The following ANO10 variants were observed in gnomAD, a reference collection of about 807,000 sequenced individuals.
The protein encoded by ANO10 is anoctamin-10.
A neutral mutation model predicts 74.7 loss-of-function variants in ANO10; 77 were observed. The ratio of observed to expected loss-of-function variants is 1.03; its 90% CI spans 0.86 to 1.25. The LOEUF is 1.25. Among genes scored for constraint, ANO10 ranks in the 50% most tolerant of loss-of-function variants. ANO10 has a pLI of 0.00. For synonymous variants in ANO10, 279 were observed against 284.9 expected, an observed-to-expected ratio of 0.98 and a Z score of 0.21; for missense variants, 721 against 778.1, an observed-to-expected ratio of 0.93 and a Z score of 0.87.
intron 12 of ANO10, among the ~76,000 whole-genome samples, chr3:43,391,651 C>T (rs530233019): frequency 5.3e-5 from 8 of 152,162 alleles, no homozygotes; most frequent in Non-Finnish European, 1.0e-4. Flanking sequence ...GGTGCACCTT[C>T]GCTCATTTGC....
chr3:43,567,087 T>C (rs545197930), intron 7 of ANO10, among the ~76,000 whole-genome samples: 2 of 151,852 alleles, frequency 1.3e-5, no homozygotes, highest in South Asian at 4.2e-4. Flanking sequence ...GTATCGGCAA[T>C]GGAAGATGAA....
intron 1 of ANO10, among the ~76,000 whole-genome samples, chr3:43,607,924 C>T (rs2082638884): frequency 6.6e-6 from 1 of 151,968 alleles, no homozygotes; most frequent in South Asian, 2.1e-4. Flanking sequence ...AATGATAACA[C>T]AGGCACAAAG....
intron 11 of ANO10, among the ~76,000 whole-genome samples, chr3:43,486,220 A>C (rs1273489362): frequency 6.6e-6 from 1 of 152,248 alleles, no homozygotes; most frequent in African/African-American, 2.4e-5. Context: ...GGCTTCATGT[A>C]CATAACAAGG....
chr3:43,610,017 T>C (rs574115617), intron 1 of ANO10, among the ~76,000 whole-genome samples: 1 of 152,310 alleles, frequency 6.6e-6, no homozygotes, highest in South Asian at 2.1e-4. Context: ...TTTTCTTCAC[T>C]TTATAAACTT....
chr3:43,505,511 CATCAAAGCCCTTTATGTG>C lies in ANO10; in HGVS notation c.1797+44191_1797+44208del, dbSNP rs1451543527. Among the ~76,000 whole-genome samples, 5 of 152,276 alleles carry C rather than the reference CATCAAAGCCCTTTATGTG, an allele frequency of 3.3e-5. No homozygotes were observed. In the East Asian group the frequency reaches 5.8e-4, roughly 18 times the overall value. On this transcript the variant is annotated intron_variant, in intron 11 of 12. Coordinates refer to ENST00000292246, the MANE Select transcript of ANO10 (RefSeq NM_018075.5). ...ACCAGTGAAACCCACAATTATACCC[CATCAAAGCCCTTTATGTG>C]AGGCATGCTTCAAAACCTCAGTTGG...
At chr3:43,689,287 G>C (rs2084319588) in intron 1 of ANO10, 1 of 152,208 alleles carries the variant, frequency 6.6e-6, no homozygotes, top group South Asian at 2.1e-4. Flanking sequence ...CTTAGTCTGG[G>C]AGGGTAACAG....
intron 12 of ANO10, among the ~76,000 whole-genome samples, chr3:43,428,623 C>T (rs2092933074): frequency 1.3e-5 from 2 of 151,832 alleles, no homozygotes; most frequent in Admixed American, 1.3e-4. Context: ...TCAGAATCAC[C>T]TTTTCTTACA....
chr3:43,554,197 T>G (rs978242995), intron 10 of ANO10, among the ~76,000 whole-genome samples: 1 of 149,946 alleles, frequency 6.7e-6, no homozygotes, highest in Non-Finnish European at 1.5e-5. Flanking sequence ...TTTTTTTTTT[T>G]TTTTTTCTTT....
chr3:43,540,910 A>G (rs1360741100), intron 11 of ANO10, among the ~76,000 whole-genome samples: 1 of 152,234 alleles, frequency 6.6e-6, no homozygotes, highest in East Asian at 1.9e-4. Context: ...TATGTATTCA[A>G]TGTAAGCATT....
chr3:43,643,874 C>G (rs34714669), intron 1 of ANO10, among the ~76,000 whole-genome samples: 2 of 151,636 alleles, frequency 1.3e-5, no homozygotes, highest in African/African-American at 4.8e-5. Flanking sequence ...TTAGTAGAGA[C>G]GGGGTTTCAC....
intron 1 of ANO10, among the ~76,000 whole-genome samples, chr3:43,640,913 T>C (rs182630888): frequency 1.4e-4 from 21 of 152,296 alleles, no homozygotes; most frequent in Admixed American, 1.2e-3. Context: ...GGGACTTCCA[T>C]GGTAAGTTAT....
At chr3:43,499,375 T>C (rs2077021057) in intron 11 of ANO10, among the ~76,000 whole-genome samples, 1 of 152,128 alleles carries the variant, frequency 6.6e-6, no homozygotes. Context: ...CTGAATGCTC[T>C]AGATGGGGAA....
chr3:43,684,825 G>T (rs982784938), intron 1 of ANO10, among the ~76,000 whole-genome samples: 1 of 152,054 alleles, frequency 6.6e-6, no homozygotes, highest in Non-Finnish European at 1.5e-5. Context: ...GCAAACTATT[G>T]CAAGGACAAA....
In ANO10 at chr3:43,576,815, G is replaced by A; in HGVS notation, c.1039C>T (p.His347Tyr). 1 of 1,614,180 alleles carries A rather than the reference G, an allele frequency of 6.2e-7. No homozygotes were observed. Among genetic ancestry groups the A allele is most frequent in the Non-Finnish European group, 8.5e-7 (1 of 1,180,032 alleles). Residue 347 changes from histidine (H) to tyrosine (Y), a missense_variant, in exon 6 of 13, where the codon CAT becomes TAT. His to Tyr is a moderately conservative substitution (Grantham distance 83, BLOSUM62 2). Coordinates refer to ENST00000292246, the MANE Select transcript of ANO10 (RefSeq NM_018075.5). ...GTCCACTCAGACCCGCTGTTCTCAT[G>A]TAGACCCAAGGCCCAAACCTCCATG... is the stretch of plus-strand genomic sequence containing the variant. ...FDMEVWALGL[H>Y]ENSGSEWTSV...
intron 1 of ANO10, among the ~76,000 whole-genome samples, chr3:43,683,315 T>A (rs149470305): frequency 1.2e-4 from 19 of 152,182 alleles, no homozygotes; most frequent in Non-Finnish European, 2.6e-4. Flanking sequence ...AAATCATGAG[T>A]GAATTACCAT....
At chr3:43,511,566 G>A (rs1487005410) in intron 11 of ANO10, among the ~76,000 whole-genome samples, 1 of 152,080 alleles carries the variant, frequency 6.6e-6, no homozygotes, top group African/African-American at 2.4e-5. Flanking sequence ...GAGCCCATTC[G>A]TTTGTTTTTC....
In ANO10 at chr3:43,387,747, G is replaced by A. The variant is rs140326505; in HGVS notation, c.1915-20773C>T. Among the ~76,000 whole-genome samples, 121 of 152,260 alleles carry A rather than the reference G, an allele frequency of 7.9e-4. 1 individual carries two copies. In the East Asian group the frequency reaches 0.02, roughly 25 times the overall value. ...ACTAGGCACTGCCCCTTCTGTGGGG[G>A]AGCTCCTCTGCTGAGGGAGTTCACA... is the stretch of plus-strand genomic sequence containing the variant. On this transcript the variant is annotated intron_variant, in intron 12 of 12. Coordinates refer to ENST00000292246, the MANE Select transcript of ANO10 (RefSeq NM_018075.5).
chr3:43,676,315 T>C lies in ANO10; in HGVS notation c.-12+15202A>G, dbSNP rs79907740. ...ATGTACAAAAAAAAGAAAAAAAAAA[T>C]AGCTAGGCATGGTGGTAAGCATGTG... On this transcript the variant is annotated intron_variant, in intron 1 of 3. Transcript: ENST00000413397. 4.0e-5 allele frequency among the ~76,000 whole-genome samples: 6 copies of C among 148,970 alleles called. No individual in the cohort carries two copies. The South Asian group carries it at 1.3e-3, about 32-fold the overall frequency.
intron 12 of ANO10, among the ~76,000 whole-genome samples, chr3:43,374,565 A>G (rs1045590440): frequency 1.3e-5 from 2 of 152,158 alleles, no homozygotes; most frequent in Non-Finnish European, 1.5e-5. Context: ...TTTTTGTACT[A>G]TAATAATATC....
Sources: allele counts gnomAD v4.1 joint callset (sites outside exome capture counted in the v4.1 genomes callset), GRCh38; gene constraint gnomAD v4.1.1; transcripts MANE v1.5; gene names NCBI Gene and HGNC (gene_info 2026-07-23, HGNC 2026-07-21).